FBXO3: variants seen among roughly 807,000 people sequenced by gnomAD.
FBXO3 encodes the protein F-box protein 3, also known as F-box only protein 3.
Under a neutral mutation model 64.8 loss-of-function variants are expected in FBXO3, and 17 were observed. The ratio of observed to expected loss-of-function variants is 0.26; its 90% CI spans 0.18 to 0.39. FBXO3 has a LOEUF of 0.39. Ranked by LOEUF, FBXO3 falls within the 10% of genes least tolerant of loss-of-function variation. The pLI, the probability that FBXO3 is intolerant of heterozygous loss-of-function variation, is 1.00. For synonymous variants in FBXO3, 182 were observed against 201.6 expected, an observed-to-expected ratio of 0.90 and a Z score of 0.82; for missense variants, 420 against 589.9, an observed-to-expected ratio of 0.71 and a Z score of 2.98.
chr11:33,763,236 C>T, intron 3 of FBXO3: 1 of 442,126 alleles, frequency 2.3e-6, no homozygotes. Context: ...GAAAAAGAGG[C>T]AACACTTCTC....
intron 10 of FBXO3, 42 bp from the exon 11 acceptor site, chr11:33,742,126 C>A: frequency 6.8e-7 from 1 of 1,461,966 alleles, no homozygotes; most frequent in South Asian, 1.4e-5. Context: ...GAGCATCTAT[C>A]AGTTTTTTAG....
rs373233445 is a variant in FBXO3, at chr11:33,749,856, T to C, written c.932+683A>G. Among the ~76,000 whole-genome samples, 20 of 152,328 alleles carry C rather than the reference T, an allele frequency of 1.3e-4. No homozygotes were observed. In the East Asian group the frequency reaches 1.7e-3, roughly 13 times the overall value. ...ATATCTATACATGTGTATTTGGATATAGCAAAGGTTGCATACAGTATCTAA... is the reference window on the plus strand; with the variant it reads ...ATATCTATACATGTGTATTTGGATACAGCAAAGGTTGCATACAGTATCTAA... On this transcript the variant is annotated intron_variant, in intron 8 of 10. Transcript: ENST00000265651.
chr11:33,769,746 G>A (rs1212662730), intron 2 of FBXO3, among the ~76,000 whole-genome samples: 1 of 151,806 alleles, frequency 6.6e-6, no homozygotes, highest in Admixed American at 6.6e-5. Context: ...GACACGCCTA[G>A]GATGACTCCT....
chr11:33,763,162 T>A (rs1396109657), intron 3 of FBXO3: 3 of 318,866 alleles, frequency 9.4e-6, no homozygotes, highest in African/African-American at 6.5e-5. Flanking sequence ...GCTTCACTGG[T>A]GCATTCTACT....
chr11:33,754,553 A>G (rs754405125), intron 5 of FBXO3, 53 bp from the exon 6 acceptor site: 11 of 1,476,244 alleles, frequency 7.5e-6, no homozygotes, highest in Non-Finnish European at 1.0e-5. Flanking sequence ...TTAATTTTTC[A>G]TTGTTCATTA....
At chr11:33,756,018 C>T in intron 4 of FBXO3, 43 bp from the exon 5 acceptor site, 1 of 1,505,206 alleles carries the variant, frequency 6.6e-7, no homozygotes. Context: ...ACGGCAGTGC[C>T]AAAGAGCTGT....
chr11:33,759,745 A>G (rs1351250147), intron 3 of FBXO3, among the ~76,000 whole-genome samples: 1 of 143,816 alleles, frequency 7.0e-6, no homozygotes, highest in African/African-American at 2.5e-5. Flanking sequence ...AACCAAATCC[A>G]TAATACATCG....
rs1854676511 is a variant in FBXO3, at chr11:33,741,107, A to G, written c.*801T>C. Reference sequence around the variant, plus strand: ...TATCACAAAGACAGTCAAGTGTATAAAGGAGAAACAAAACAGAAGCAGTAT... The same window carrying G: ...TATCACAAAGACAGTCAAGTGTATAGAGGAGAAACAAAACAGAAGCAGTAT... On this transcript the variant is annotated 3_prime_UTR_variant, in exon 11 of 11. Transcript: ENST00000265651. The G allele has an allele frequency of 6.5e-6, 1 of 152,676 alleles. No individual in the cohort carries two copies. Among genetic ancestry groups the G allele is most frequent in the Admixed American group, 6.5e-5 (1 of 15,286 alleles). 9.5% of individuals were successfully genotyped at this position (152,676 alleles called of 1,614,324 possible). A position where few individuals can be genotyped will look rare whatever the true frequency, so the allele number is the denominator to read the frequency against.
At chr11:33,760,052 T>C (rs150350865) in intron 3 of FBXO3, among the ~76,000 whole-genome samples, 1 of 152,268 alleles carries the variant, frequency 6.6e-6, no homozygotes, top group East Asian at 1.9e-4. Context: ...GGCAGAAAGG[T>C]CTATGATACG....
chr11:33,770,840 A>C lies in FBXO3; in HGVS notation c.105-10T>G, dbSNP rs1046918544. The C allele has an allele frequency of 1.9e-6, 3 of 1,572,746 alleles. No individual in the cohort carries two copies. Among genetic ancestry groups the C allele is most frequent in the Non-Finnish European group, 2.6e-6 (3 of 1,148,912 alleles). ...ACTGACATAACAACAGCTGGCAGTA[A>C]CCAGATTCACCGATAGTATTTAAAA... is the stretch of plus-strand genomic sequence containing the variant. On this transcript the variant is annotated splice_polypyrimidine_tract_variant and intron_variant, in intron 1 of 10. Transcript: ENST00000265651.
intron 6 of FBXO3, among the ~76,000 whole-genome samples, chr11:33,752,244 T>C (rs903190810): frequency 2.0e-5 from 3 of 152,198 alleles, no homozygotes; most frequent in Admixed American, 6.5e-5. Context: ...GTCCAGACCA[T>C]ATATCTGTGA....
At chr11:33,750,073 C>T (rs571428510) in intron 8 of FBXO3, among the ~76,000 whole-genome samples, 4 of 152,154 alleles carry the variant, frequency 2.6e-5, no homozygotes, top group South Asian at 2.1e-4. Context: ...TTCTAACTAA[C>T]GTAAATTTAA....
At chr11:33,752,851 C>T (rs1237177389) in intron 6 of FBXO3, among the ~76,000 whole-genome samples, 1 of 151,912 alleles carries the variant, frequency 6.6e-6, no homozygotes, top group African/African-American at 2.4e-5. Flanking sequence ...TAACTAAAAA[C>T]AAATTTGTGG....
At chr11:33,761,480 C>T (rs571199895) in intron 3 of FBXO3, among the ~76,000 whole-genome samples, 2 of 152,304 alleles carry the variant, frequency 1.3e-5, no homozygotes, top group East Asian at 1.9e-4. Flanking sequence ...GTTAAATTCA[C>T]TACACAGGTG....
At chr11:33,755,750 T>G in intron 5 of FBXO3, 21 bp downstream of exon 5, 1 of 1,587,964 alleles carries the variant, frequency 6.3e-7, no homozygotes, top group Non-Finnish European at 8.6e-7. Context: ...AATGCCATAT[T>G]TAAACACACG....
rs140984470 is a variant in FBXO3 at position 33,755,921 on chromosome 11, G to C, written c.528C>G (p.Asp176Glu). 6.2e-7 allele frequency: 1 copy of C among 1,613,988 alleles called. No individual in the cohort carries two copies. The highest frequency in any genetic ancestry group is 1.3e-5 in the African/African-American group (1 of 74,900). The change falls in exon 5 of 11, where the codon GAC (aspartate) becomes GAG (glutamate). Residue 176 changes from aspartate (D) to glutamate (E), a missense_variant. Coordinates refer to ENST00000265651, the MANE Select transcript of FBXO3 (RefSeq NM_012175.4). ...GGAATCCTCCGGCAGCTGTATCGAC[G>C]TCTAACAAATCTTCAGAACGATAGT... ...SNHYRSEDLLDVDTAAGGFQQ... is the reference protein window; with the variant it reads ...SNHYRSEDLLEVDTAAGGFQQ...
intron 6 of FBXO3, 22 bp from the exon 7 acceptor site, chr11:33,751,629 A>C (rs1854960996): frequency 2.1e-6 from 3 of 1,402,228 alleles, no homozygotes; most frequent in Middle Eastern, 1.9e-4. Context: ...GAAAGGGAGA[A>C]AAAAAGAAAA....
Position 33,774,444 on chromosome 11 carries a change from G to C in FBXO3, c.54C>G (p.Thr18=), listed in dbSNP as rs1175880854. ...AGGATAAGATGAGGAGCAGGGGATC[G>C]GTGGGCAGCGACTCTAGGGTCAGCG... ...TAPLTLESLP[T]DPLLLILSFL... is the part of the protein sequence containing the mutation. Residue 18 remains threonine (T), a synonymous_variant, in exon 1 of 11, where the codon ACC becomes ACG. Coordinates refer to ENST00000265651, the MANE Select transcript of FBXO3 (RefSeq NM_012175.4). 6.2e-7 allele frequency: 1 copy of C among 1,601,438 alleles called. No individual in the cohort carries two copies. Among genetic ancestry groups the C allele is most frequent in the Non-Finnish European group, 8.5e-7 (1 of 1,174,272 alleles).
At chr11:33,755,130 C>A (rs2133604382) in intron 5 of FBXO3, among the ~76,000 whole-genome samples, 1 of 152,176 alleles carries the variant, frequency 6.6e-6, no homozygotes. Context: ...CCTCAGCCTC[C>A]CAAAGTACTG....
Sources: allele counts gnomAD v4.1 joint callset (sites outside exome capture counted in the v4.1 genomes callset), GRCh38; gene constraint gnomAD v4.1.1; transcripts MANE v1.5; gene names NCBI Gene and HGNC (gene_info 2026-07-23, HGNC 2026-07-21).